CYB561D1: variants seen among roughly 807,000 people sequenced by gnomAD.
CYB561D1 encodes the protein cytochrome b561 family member D1, also known as probable transmembrane reductase CYB561D1.
Under a neutral mutation model 19.2 loss-of-function variants are expected in CYB561D1, and 15 were observed. The observed-to-expected ratio is 0.78, with a 90% CI of 0.52 to 1.20. The LOEUF is 1.20. CYB561D1 is among the 50% of genes most tolerant of loss of function. The pLI is 0.00. For missense variants in CYB561D1, 297 were observed against 287.3 expected (o/e 1.03, Z -0.24); for synonymous variants, 133 against 120.6 (o/e 1.10, Z -0.68).
intron 2 of CYB561D1, 97 bp from the exon 3 acceptor site, chr1:109,495,659 C>T: frequency 6.2e-7 from 1 of 1,602,766 alleles, no homozygotes; most frequent in South Asian, 1.1e-5. Flanking sequence ...TTAACCCTTA[C>T]CCTTTGTCCT....
rs778533469 is a variant in CYB561D1 at position 109,496,055 on chromosome 1, C to G, written c.486C>G (p.Leu162=). 3.1e-6 allele frequency: 5 copies of G among 1,613,586 alleles called. No individual in the cohort carries two copies. In the South Asian group the frequency reaches 4.4e-5, roughly 14 times the overall value. ...CCAGGGTCTCAAGGGTGGCTCGCCTCAAGCTCTACCATCTGACATGTGGAC... is the reference window on the plus strand; with the variant it reads ...CCAGGGTCTCAAGGGTGGCTCGCCTGAAGCTCTACCATCTGACATGTGGAC... ...RAARVSRVAR[L]KLYHLTCGLV... is the part of the protein sequence containing the mutation. The change falls in exon 3 of 3, where the codon CTC becomes CTG. Residue 162 remains leucine, a synonymous_variant. Coordinates refer to ENST00000420578, the MANE Select transcript of CYB561D1 (RefSeq NM_182580.3).
Position 109,497,098 on chromosome 1 carries a change from G to A in CYB561D1, c.*839G>A, listed in dbSNP as rs1657607029. The A allele has an allele frequency of 6.6e-6, 1 of 152,662 alleles. No homozygotes were observed. Among genetic ancestry groups the A allele is most frequent in the Non-Finnish European group, 1.5e-5 (1 of 68,044 alleles). 9.5% of individuals were successfully genotyped at this position (152,662 alleles called of 1,614,324 possible). ...TAACCAAGCCGAAGGCTGCTGGCTGGGCTGCCTAGCCCAGCTAAGATCTTC... is the reference window on the plus strand; with the variant it reads ...TAACCAAGCCGAAGGCTGCTGGCTGAGCTGCCTAGCCCAGCTAAGATCTTC... On this transcript the variant is annotated 3_prime_UTR_variant, in exon 3 of 3. Coordinates refer to ENST00000420578, the MANE Select transcript of CYB561D1 (RefSeq NM_182580.3).
At position 109,495,934 on chromosome 1, in the gene CYB561D1, A is replaced by C. The variant is rs1161776350; in HGVS notation, c.365A>C (p.His122Pro). The change falls in exon 3 of 3, where the codon CAT (histidine) becomes CCT (proline). Residue 122 changes from histidine to proline, a missense_variant. Physicochemically the swap from His to Pro is moderately conservative, Grantham distance 77 (BLOSUM62 -2). Coordinates refer to ENST00000420578, the MANE Select transcript of CYB561D1 (RefSeq NM_182580.3). ...AGCAGGACCCGCAGTGAGCTGCCTC[A>C]TCTGGTGTCCTGGCACAGCTGGGTG... ...ISSRTRSELP[H>P]LVSWHSWVGA... The C allele has an allele frequency of 1.9e-6, 3 of 1,613,996 alleles. No homozygotes were observed. The highest frequency in any genetic ancestry group is 2.2e-5 in the South Asian group (2 of 91,078).
At chr1:109,494,372 G>A in intron 1 of CYB561D1, 85 bp downstream of exon 1, 1 of 1,520,292 alleles carries the variant, frequency 6.6e-7, no homozygotes, top group Middle Eastern at 1.7e-4. Context: ...AGACTTGGAG[G>A]AGGGACCCCA....
intron 1 of CYB561D1, chr1:109,494,744 G>T: frequency 2.1e-6 from 1 of 474,296 alleles, no homozygotes; most frequent in Non-Finnish European, 3.5e-6. Context: ...GGCTGAGGGA[G>T]GAGAATCGCT....
chr1:109,498,836 A>G lies in CYB561D1; in HGVS notation c.*2577A>G, dbSNP rs899117815. On this transcript the variant is annotated 3_prime_UTR_variant, in exon 3 of 3. Coordinates refer to ENST00000420578, the MANE Select transcript of CYB561D1 (RefSeq NM_182580.3). ...TGGCTAGGGAAAGCTGCTAGTGGTC[A>G]GCCTGTTTTGCCTTTTTTTAAAAAA... 7.2e-6 allele frequency: 1 copy of G among 138,812 alleles called. No individual in the cohort carries two copies. The highest frequency in any genetic ancestry group is 3.0e-5 in the African/African-American group (1 of 33,376). The allele number at this position is 138,812 out of a possible 1,614,324, so 8.6% of individuals were successfully genotyped here.
intron 1 of CYB561D1, among the ~76,000 whole-genome samples, chr1:109,494,851 A>AC (rs1410606512): frequency 7.0e-6 from 1 of 141,854 alleles, no homozygotes; most frequent in Non-Finnish European, 1.5e-5. Flanking sequence ...AAAAAACAAA[A>AC]AACAACAACC....
intron 2 of CYB561D1, 183 bp from the exon 3 acceptor site, chr1:109,495,573 C>A: frequency 8.9e-7 from 1 of 1,126,660 alleles, no homozygotes; most frequent in Admixed American, 2.6e-5. Context: ...AATGAGGAGA[C>A]GTGCACTCAA....
Position 109,494,132 on chromosome 1 carries a change from C to T in CYB561D1, c.-8C>T. ...CAGCTGGAGTGTACGGGCCCGCGGG[C>T]CACGGCCATGCAGCCCCTGGAGGTA... On this transcript the variant is annotated 5_prime_UTR_variant, in exon 1 of 3. Coordinates refer to ENST00000420578, the MANE Select transcript of CYB561D1 (RefSeq NM_182580.3). The T allele has an allele frequency of 6.6e-7, 1 of 1,504,388 alleles. No individual in the cohort carries two copies. Among genetic ancestry groups the T allele is most frequent in the South Asian group, 1.3e-5 (1 of 77,830 alleles). The allele number at this position is 1,504,388 out of a possible 1,614,324, so 93.2% of individuals were successfully genotyped here.
Position 109,496,258 on chromosome 1 carries a change from G to T in CYB561D1, c.689G>T (p.Ter230LeuextTer23). ...TTGCCGAGGAAGAAAATGGAAATGTGAGTTCCTGCGAACGCTGAATCTAGG... is the reference window on the plus strand; with the variant it reads ...TTGCCGAGGAAGAAAATGGAAATGTTAGTTCCTGCGAACGCTGAATCTAGG... ...SYLPRKKMEM[*>L] The change falls in exon 3 of 3, where the codon TGA (stop) becomes TTA (leucine). Residue 230 changes from the stop codon to leucine (L), a stop_lost. Coordinates refer to ENST00000420578, the MANE Select transcript of CYB561D1 (RefSeq NM_182580.3). 1.3e-6 allele frequency: 2 copies of T among 1,567,162 alleles called. No individual in the cohort carries two copies. Among genetic ancestry groups the T allele is most frequent in the Non-Finnish European group, 8.7e-7 (1 of 1,149,836 alleles).
Position 109,496,291 on chromosome 1 carries a change from C to T in CYB561D1, c.*32C>T. On this transcript the variant is annotated 3_prime_UTR_variant, in exon 3 of 3. Transcript: ENST00000420578. ...GCGAACGCTGAATCTAGGTGGGACGCTTGCCTTGAACATCATGGTTCCTTT... is the reference window on the plus strand; with the variant it reads ...GCGAACGCTGAATCTAGGTGGGACGTTTGCCTTGAACATCATGGTTCCTTT... The T allele has an allele frequency of 5.9e-6, 9 of 1,534,966 alleles. No homozygotes were observed. The highest frequency in any genetic ancestry group is 7.9e-6 in the Non-Finnish European group (9 of 1,136,328).
At position 109,497,321 on chromosome 1, in the gene CYB561D1, C is replaced by G. The variant is rs1160420559; in HGVS notation, c.*1062C>G. 6.6e-6 allele frequency: 1 copy of G among 152,228 alleles called. No individual in the cohort carries two copies. The highest frequency in any genetic ancestry group is 1.5e-5 in the Non-Finnish European group (1 of 68,052). 9.4% of individuals were successfully genotyped at this position (152,228 alleles called of 1,614,324 possible). Reference sequence around the variant, plus strand: ...TAAGGGCCAAGGAAGTGGGGCAGGGCTTTTCTGATCCAAAGAAAACAAAGT... The same window carrying G: ...TAAGGGCCAAGGAAGTGGGGCAGGGGTTTTCTGATCCAAAGAAAACAAAGT... On this transcript the variant is annotated 3_prime_UTR_variant, in exon 3 of 3. Transcript: ENST00000420578.
rs2297797 is a variant in CYB561D1 at position 109,498,058 on chromosome 1, C to T, written c.*1799C>T. 0.38 allele frequency: 57,270 copies of T among 152,220 alleles called. 12,821 individuals are homozygous for T. Among genetic ancestry groups the T allele is most frequent in the East Asian group, 0.64 (3,284 of 5,162 alleles). 9.4% of individuals were successfully genotyped at this position (152,220 alleles called of 1,614,324 possible). A position where few individuals can be genotyped will look rare whatever the true frequency, so the allele number is the denominator to read the frequency against. ...GGGGCTGCATGGAGAATTTCACCTG[C>T]GGTGATTTTGATCCAGGGACTGCAT... On this transcript the variant is annotated 3_prime_UTR_variant, in exon 3 of 3. Transcript: ENST00000420578.
At chr1:109,495,323 A>G in intron 2 of CYB561D1, 143 bp downstream of exon 2, 3 of 1,048,656 alleles carry the variant, frequency 2.9e-6, no homozygotes, top group East Asian at 2.4e-5. Flanking sequence ...CCTGCAGCCT[A>G]TGGGATTGGG....
intron 1 of CYB561D1, chr1:109,494,517 C>T: frequency 6.6e-7 from 1 of 1,526,076 alleles, no homozygotes; most frequent in Non-Finnish European, 8.8e-7. Context: ...ACTACTTCCT[C>T]AGAAACAGGT....
In CYB561D1 at chr1:109,497,073, TA is replaced by T. The variant is rs1657605787; in HGVS notation, c.*816del. ...TTGGAGAAGCAGGAGGGCATTGGCT[TA>T]ACCAAGCCGAAGGCTGCTGGCTGGG... On this transcript the variant is annotated 3_prime_UTR_variant, in exon 3 of 3. Transcript: ENST00000420578. 6.5e-6 allele frequency: 1 copy of T among 152,680 alleles called. No individual in the cohort carries two copies. Among genetic ancestry groups the T allele is most frequent in the Admixed American group, 6.5e-5 (1 of 15,294 alleles). 9.5% of individuals were successfully genotyped at this position (152,680 alleles called of 1,614,324 possible). A position where few individuals can be genotyped will look rare whatever the true frequency, so the allele number is the denominator to read the frequency against.
Position 109,496,548 on chromosome 1 carries a change from C to T in CYB561D1, c.*289C>T. ...GTGATGTGCTGGTGGTCATTTCTTG[C>T]TTGTGTGCCTGATGAAAAACTGGGT... On this transcript the variant is annotated 3_prime_UTR_variant, in exon 3 of 3. Coordinates refer to ENST00000420578, the MANE Select transcript of CYB561D1 (RefSeq NM_182580.3). The T allele has an allele frequency of 3.8e-6, 1 of 266,622 alleles. No individual in the cohort carries two copies. Among genetic ancestry groups the T allele is most frequent in the South Asian group, 1.2e-4 (1 of 8,578 alleles). The allele number at this position is 266,622 out of a possible 1,614,324, so 16.5% of individuals were successfully genotyped here.
chr1:109,495,265 C>T, intron 2 of CYB561D1, 85 bp downstream of exon 2: 1 of 1,479,228 alleles, frequency 6.8e-7, no homozygotes. Context: ...AAAGCTCAGC[C>T]TTTCTAAGGC....
In CYB561D1 at chr1:109,495,933, C is replaced by T. The variant is rs755888385; in HGVS notation, c.364C>T (p.His122Tyr). 8 of 1,614,018 alleles carry T rather than the reference C, an allele frequency of 5.0e-6. No homozygotes were observed. Among genetic ancestry groups the T allele is most frequent in the Middle Eastern group, 1.6e-4 (1 of 6,062 alleles). ...CAGCAGGACCCGCAGTGAGCTGCCT[C>T]ATCTGGTGTCCTGGCACAGCTGGGT... ...ISSRTRSELP[H>Y]LVSWHSWVGA... The change falls in exon 3 of 3, where the codon CAT becomes TAT. Residue 122 changes from histidine (H) to tyrosine (Y), a missense_variant. Physicochemically the swap from His to Tyr is moderately conservative, Grantham distance 83. Transcript: ENST00000420578.
Sources: allele counts gnomAD v4.1 joint callset (sites outside exome capture counted in the v4.1 genomes callset), GRCh38; gene constraint gnomAD v4.1.1; transcripts MANE v1.5; gene names NCBI Gene and HGNC (gene_info 2026-07-23, HGNC 2026-07-21).